The following RNF213 variants were observed in gnomAD, a reference collection of about 807,000 sequenced individuals.
The protein encoded by RNF213 is ring finger protein 213.
A neutral mutation model predicts 514.4 loss-of-function variants in RNF213; 341 were observed. The ratio of observed to expected loss-of-function variants is 0.66; its 90% CI spans 0.61 to 0.73. RNF213 has a LOEUF of 0.73. Ranked by LOEUF, RNF213 falls within the 30% of genes least tolerant of loss-of-function variation. RNF213 has a pLI of 0.00. For synonymous variants in RNF213, 2,655 were observed against 2,658.2 expected, an observed-to-expected ratio of 1.00 and a Z score of 0.04; for missense variants, 5,767 against 6,615.6, an observed-to-expected ratio of 0.87 and a Z score of 4.45.
rs777145699 is a variant in RNF213 at position 80,381,539 on chromosome 17, C to T, written c.13798-8C>T. 4 of 1,613,946 alleles carry T rather than the reference C, an allele frequency of 2.5e-6. No homozygotes were observed. The highest frequency in any genetic ancestry group is 3.4e-6 in the Non-Finnish European group (4 of 1,179,996). Reference sequence around the variant, plus strand: ...CCCGCTGAACACTCTGTTCCGTTGCCCCCACAGGCTCTGATAAACATCATT... The same window carrying T: ...CCCGCTGAACACTCTGTTCCGTTGCTCCCACAGGCTCTGATAAACATCATT... On this transcript the variant is annotated splice_polypyrimidine_tract_variant and splice_region_variant and intron_variant, in intron 56 of 67. Coordinates refer to ENST00000582970, the MANE Select transcript of RNF213 (RefSeq NM_001256071.3).
At chr17:80,311,848 T>G (rs551939399) in intron 14 of RNF213, among the ~76,000 whole-genome samples, 2 of 152,242 alleles carry the variant, frequency 1.3e-5, no homozygotes, top group African/African-American at 4.8e-5. Context: ...CACACTTGGC[T>G]GGGTGTAGTA....
At chr17:80,366,211 C>A (rs1412779017) in intron 42 of RNF213, among the ~76,000 whole-genome samples, 3 of 152,144 alleles carry the variant, frequency 2.0e-5, no homozygotes, top group African/African-American at 7.2e-5. Flanking sequence ...CAGGATGGCA[C>A]GGGTGGGACT....
chr17:80,270,981 G>T (rs1381970849), intron 2 of RNF213, among the ~76,000 whole-genome samples: 2 of 152,090 alleles, frequency 1.3e-5, no homozygotes, highest in Non-Finnish European at 2.9e-5. Context: ...CCCCAGTAAG[G>T]GTCCAGAAGT....
chr17:80,355,068 C>T (rs573180592), intron 36 of RNF213: 62 of 384,874 alleles, frequency 1.6e-4, no homozygotes, highest in African/African-American at 9.2e-4. Context: ...TGGATGTGGC[C>T]GTGTATTGAG....
At chr17:80,337,076 A>G (rs928471238) in intron 23 of RNF213, among the ~76,000 whole-genome samples, 1 of 152,056 alleles carries the variant, frequency 6.6e-6, no homozygotes, top group Non-Finnish European at 1.5e-5. Flanking sequence ...AGCTATCTTC[A>G]TTTTTCTGCT....
chr17:80,375,324 C>T (rs1465984449), intron 50 of RNF213, among the ~76,000 whole-genome samples: 1 of 152,190 alleles, frequency 6.6e-6, no homozygotes, highest in Non-Finnish European at 1.5e-5. Context: ...GGAAAAGGCT[C>T]CTTCCCTTTT....
chr17:80,290,446 T>A (rs942566718), intron 6 of RNF213, 124 bp from the exon 7 acceptor site: 1 of 1,145,642 alleles, frequency 8.7e-7, no homozygotes, highest in South Asian at 1.2e-5. Flanking sequence ...TGTGCATGTG[T>A]GTGTGCGAGT....
In RNF213 at chr17:80,340,088, A is replaced by G. The variant is rs1237599506; in HGVS notation, c.5721A>G (p.Gln1907=). 5.0e-6 allele frequency: 8 copies of G among 1,604,900 alleles called. No individual in the cohort carries two copies. Among genetic ancestry groups the G allele is most frequent in the Non-Finnish European group, 6.8e-6 (8 of 1,177,304 alleles). Residue 1907 remains glutamine, a synonymous_variant, in exon 26 of 68, where the codon CAA becomes CAG. Transcript: ENST00000582970. ...ADQLSYEVAR[Q]AEELFHNLCT... ...AGCTGAGCTACGAGGTGGCACGCCA[A>G]GCGGAGGAGCTTTTCCACAATCTGT... is the stretch of plus-strand genomic sequence containing the variant.
chr17:80,317,306 A>C lies in RNF213; in HGVS notation c.2901+29A>C, dbSNP rs890938814. The C allele has an allele frequency of 6.3e-7, 1 of 1,597,488 alleles. No individual in the cohort carries two copies. The highest frequency in any genetic ancestry group is 1.3e-5 in the African/African-American group (1 of 74,726). On this transcript the variant is annotated intron_variant, in intron 16 of 67. Coordinates refer to ENST00000582970, the MANE Select transcript of RNF213 (RefSeq NM_001256071.3). This position sits in a 1 kb window ranked among gnomAD's most constrained non-coding sequence, Gnocchi z 4.1. ...CCAAAAGTTTGGGGGCAGTCTTTTCAGGGCGTGAAGGCAAGCTGGAGAACC... is the reference window on the plus strand; with the variant it reads ...CCAAAAGTTTGGGGGCAGTCTTTTCCGGGCGTGAAGGCAAGCTGGAGAACC...
intron 42 of RNF213, chr17:80,364,811 T>C (rs920407546): frequency 6.3e-6 from 3 of 473,626 alleles, no homozygotes; most frequent in African/African-American, 3.9e-5. Flanking sequence ...AGAAAGGGGC[T>C]GACGCAGGGA....
intron 3 of RNF213, among the ~76,000 whole-genome samples, chr17:80,280,017 C>T (rs758120239): frequency 1.3e-5 from 2 of 152,172 alleles, no homozygotes; most frequent in Non-Finnish European, 2.9e-5. Flanking sequence ...GTTCATTGAA[C>T]GGAGACTTAC....
At position 80,332,282 on chromosome 17, in the gene RNF213, A is replaced by C; in HGVS notation, c.3794A>C (p.Glu1265Ala). 6 of 1,537,244 alleles carry C rather than the reference A, an allele frequency of 3.9e-6. No individual in the cohort carries two copies. Among genetic ancestry groups the C allele is most frequent in the Non-Finnish European group, 5.2e-6 (6 of 1,146,914 alleles). ...ELLSEPEEESERHILELEEVY... is the reference protein window; with the variant it reads ...ELLSEPEEESARHILELEEVY... ...CTGAGTGAGCCCGAAGAAGAATCAG[A>C]AAGGCACATCCTTGAGCTTGAAGAG... Residue 1265 changes from glutamate to alanine, a missense_variant, in exon 21 of 68, where the codon GAA (glutamate) becomes GCA (alanine). Coordinates refer to ENST00000582970, the MANE Select transcript of RNF213 (RefSeq NM_001256071.3).
intron 37 of RNF213, among the ~76,000 whole-genome samples, chr17:80,358,760 T>C (rs2078928761): frequency 6.6e-6 from 1 of 152,070 alleles, no homozygotes; most frequent in Non-Finnish European, 1.5e-5. Context: ...AATACAAAAA[T>C]TAGCTGGGCG....
At position 80,288,315 on chromosome 17, in the gene RNF213, G is replaced by A; in HGVS notation, c.762G>A (p.Gly254=). 6.2e-7 allele frequency: 1 copy of A among 1,612,802 alleles called. No homozygotes were observed. The highest frequency in any genetic ancestry group is 2.2e-5 in the East Asian group (1 of 44,870). Residue 254 remains glycine, a synonymous_variant, in exon 4 of 68, where the codon GGG becomes GGA. Coordinates refer to ENST00000582970, the MANE Select transcript of RNF213 (RefSeq NM_001256071.3). The surrounding 1 kb of genome is among the most constrained non-coding windows in gnomAD (Gnocchi z 4.9). ...PESKGGSSEP[G]TELQTTEQQA... Reference sequence around the variant, plus strand: ...CAAAAGGAGGCAGCTCTGAGCCCGGGACAGAACTGCAGACCACCGAGCAAC... The same window carrying A: ...CAAAAGGAGGCAGCTCTGAGCCCGGAACAGAACTGCAGACCACCGAGCAAC...
chr17:80,387,671 T>C (rs1190058554), intron 63 of RNF213, among the ~76,000 whole-genome samples: 1 of 152,214 alleles, frequency 6.6e-6, no homozygotes, highest in Non-Finnish European at 1.5e-5. Context: ...CGGATGGACC[T>C]GCCTGGCCTC....
intron 38 of RNF213, chr17:80,360,466 C>T (rs1483336830): frequency 8.0e-6 from 4 of 501,698 alleles, no homozygotes; most frequent in African/African-American, 1.9e-5. Context: ...TTTTTAGTGC[C>T]GTGATGGCCA....
At chr17:80,381,435 A>T in intron 56 of RNF213, 112 bp from the exon 57 acceptor site, 1 of 1,159,552 alleles carries the variant, frequency 8.6e-7, no homozygotes, top group African/African-American at 1.5e-5. Flanking sequence ...TCATCTTAGA[A>T]ACCGCCTTCC....
Position 80,394,343 on chromosome 17 carries a change from G to A in RNF213, c.*845G>A, listed in dbSNP as rs2080597599. ...TTCTAGCATTATGCCAAATAAACAT[G>A]CAGTCTCAGTGTGCTCTCGCATGTA... is the stretch of plus-strand genomic sequence containing the variant. On this transcript the variant is annotated 3_prime_UTR_variant, in exon 68 of 68. Transcript: ENST00000582970. 1 of 152,238 alleles carries A rather than the reference G, an allele frequency of 6.6e-6. No homozygotes were observed. The highest frequency in any genetic ancestry group is 6.5e-5 in the Admixed American group (1 of 15,274). The allele number at this position is 152,238 out of a possible 1,614,324, so 9.4% of individuals were successfully genotyped here.
chr17:80,352,940 G>C lies in RNF213; in HGVS notation c.10304G>C (p.Gly3435Ala). The C allele has an allele frequency of 1.9e-6, 3 of 1,613,998 alleles. No homozygotes were observed. The South Asian group carries it at 3.3e-5, about 18-fold the overall frequency. Residue 3435 changes from glycine (G) to alanine (A), a missense_variant and splice_region_variant, in exon 33 of 68, where the codon GGG (glycine) becomes GCG (alanine). This residue lies in a region of RNF213 where 919 missense variants were observed against 1,121.0 expected (regional missense o/e 0.82). Transcript: ENST00000582970. ...RGTAYVGFHG[G>A]LWQSVHIDDL... ...TTGTGGGTGGCTTCACTCTTCACAG[G>C]GCTGTGGCAGTCTGTCCACATCGAT...
Sources: allele counts gnomAD v4.1 joint callset (sites outside exome capture counted in the v4.1 genomes callset), GRCh38; gene constraint gnomAD v4.1.1; regional missense constraint gnomAD v4.1.1; non-coding constraint Gnocchi (gnomAD v3.1); transcripts MANE v1.5; gene names NCBI Gene and HGNC (gene_info 2026-07-23, HGNC 2026-07-21).